The following UBE2QL1 variants were observed in gnomAD, a reference collection of about 807,000 sequenced individuals.
UBE2QL1 encodes the protein ubiquitin conjugating enzyme E2 QL1, also known as ubiquitin-conjugating enzyme E2Q-like protein 1.
Under a neutral mutation model 12.6 loss-of-function variants are expected in UBE2QL1, and 5 were observed. The observed-to-expected ratio is 0.40, with a 90% CI of 0.21 to 0.83. UBE2QL1 has a LOEUF of 0.83. UBE2QL1 is among the 40% of genes least tolerant of loss of function. The pLI, the probability that UBE2QL1 is intolerant of heterozygous loss-of-function variation, is 0.37. For synonymous variants in UBE2QL1, 96 were observed against 94.5 expected (o/e 1.02, Z -0.10); for missense variants, 99 against 222.6 (o/e 0.44, Z 3.53).
Position 6,491,364 on chromosome 5 carries a change from A to G in UBE2QL1, c.*15A>G, listed in dbSNP as rs973459139. 11 of 1,544,590 alleles carry G rather than the reference A, an allele frequency of 7.1e-6. No individual in the cohort carries two copies. In the African/African-American group the frequency reaches 1.5e-4, roughly 21 times the overall value. ...CCGACGGCTGATGTCTGCCACGTGC[A>G]GTAGACGCTCGAGCGCCTGTCCACA... On this transcript the variant is annotated 3_prime_UTR_variant, in exon 2 of 2. Transcript: ENST00000399816.
At chr5:6,451,662 A>G (rs1739414385) in intron 1 of UBE2QL1, among the ~76,000 whole-genome samples, 1 of 152,188 alleles carries the variant, frequency 6.6e-6, no homozygotes, top group African/African-American at 2.4e-5. Context: ...GCTGTCTAAG[A>G]GAGGGTAATG....
At position 6,479,035 on chromosome 5, in the gene UBE2QL1, C is replaced by T. The variant is rs546547616; in HGVS notation, c.355-12183C>T. 6.6e-6 allele frequency among the ~76,000 whole-genome samples: 1 copy of T among 152,172 alleles called. No individual in the cohort carries two copies. The highest frequency in any genetic ancestry group is 1.5e-5 in the Non-Finnish European group (1 of 68,002). ...CTGGGGGCGTCCCTTCTATCGTGTGCAGCATCAGGAGTCTGTTGGATCCCC... is the reference window on the plus strand; with the variant it reads ...CTGGGGGCGTCCCTTCTATCGTGTGTAGCATCAGGAGTCTGTTGGATCCCC... On this transcript the variant is annotated intron_variant, in intron 1 of 1. Transcript: ENST00000399816. This position sits in a 1 kb window ranked among gnomAD's most constrained non-coding sequence, Gnocchi z 4.2.
At chr5:6,449,361 C>G (rs1310339178) in intron 1 of UBE2QL1, 114 bp downstream of exon 1, 1 of 1,059,400 alleles carries the variant, frequency 9.4e-7, no homozygotes, top group Non-Finnish European at 1.2e-6. Flanking sequence ...CCATCTCGCT[C>G]CCTGCTCTGA....
In UBE2QL1 at chr5:6,492,602, C is replaced by G. The variant is rs955760246; in HGVS notation, c.*1253C>G. On this transcript the variant is annotated 3_prime_UTR_variant, in exon 2 of 2. Coordinates refer to ENST00000399816, the MANE Select transcript of UBE2QL1 (RefSeq NM_001145161.3). The stretch of plus-strand genomic sequence containing the variant: ...AAATCATGCATACCTGATACACTGC[C>G]TCAAGGATCCAGTCATTGTGGGCTA... 2.0e-5 allele frequency: 3 copies of G among 152,218 alleles called. No homozygotes were observed. The highest frequency in any genetic ancestry group is 2.9e-5 in the Non-Finnish European group (2 of 68,038). 9.4% of individuals were successfully genotyped at this position (152,218 alleles called of 1,614,324 possible). A position where few individuals can be genotyped will look rare whatever the true frequency, so the allele number is the denominator to read the frequency against.
chr5:6,468,336 G>T (rs558229135), intron 1 of UBE2QL1, among the ~76,000 whole-genome samples: 1 of 146,592 alleles, frequency 6.8e-6, no homozygotes, highest in South Asian at 2.1e-4. Flanking sequence ...TGGAGCAGGG[G>T]CGCGGGGTGG....
chr5:6,449,978 G>A (rs1352863169), intron 1 of UBE2QL1, among the ~76,000 whole-genome samples: 1 of 147,696 alleles, frequency 6.8e-6, no homozygotes, highest in African/African-American at 2.5e-5. Context: ...TCCGCCCCCT[G>A]CCTTCTTCTG....
At chr5:6,464,541 G>T (rs1243181644) in intron 1 of UBE2QL1, among the ~76,000 whole-genome samples, 1 of 152,156 alleles carries the variant, frequency 6.6e-6, no homozygotes. Context: ...GCCCCTGCTA[G>T]CTGCACTTCT....
At chr5:6,449,578 C>T (rs1579283320) in intron 1 of UBE2QL1, among the ~76,000 whole-genome samples, 2 of 152,172 alleles carry the variant, frequency 1.3e-5, no homozygotes, top group East Asian at 1.9e-4. Flanking sequence ...TCTTCCATCC[C>T]TCTTCCTTAG....
At chr5:6,460,818 G>T (rs1739641531) in intron 1 of UBE2QL1, among the ~76,000 whole-genome samples, 1 of 152,192 alleles carries the variant, frequency 6.6e-6, no homozygotes. Flanking sequence ...CACATCAAAA[G>T]TCCTTGTTAG....
intron 1 of UBE2QL1, among the ~76,000 whole-genome samples, chr5:6,461,122 A>G (rs528068747): frequency 6.6e-6 from 1 of 152,350 alleles, no homozygotes; most frequent in East Asian, 1.9e-4. Flanking sequence ...TAGCTGAAAT[A>G]TTCGACCTGC....
At position 6,472,408 on chromosome 5, in the gene UBE2QL1, T is replaced by C. The variant is rs551253961; in HGVS notation, c.355-18810T>C. Among the ~76,000 whole-genome samples, 14 of 152,202 alleles carry C rather than the reference T, an allele frequency of 9.2e-5. No homozygotes were observed. The South Asian group carries it at 2.9e-3, about 32-fold the overall frequency. ...GAAACTTCCAGAATGCCTTTGACAT[T>C]CTGGAAGCGGCCGATCGACACACTT... is the stretch of plus-strand genomic sequence containing the variant. On this transcript the variant is annotated intron_variant, in intron 1 of 1. Coordinates refer to ENST00000399816, the MANE Select transcript of UBE2QL1 (RefSeq NM_001145161.3).
intron 1 of UBE2QL1, among the ~76,000 whole-genome samples, chr5:6,461,181 T>C (rs1363604787): frequency 6.6e-6 from 1 of 152,242 alleles, no homozygotes; most frequent in Non-Finnish European, 1.5e-5. Flanking sequence ...CATATGGTCT[T>C]ACTGCAATTG....
intron 1 of UBE2QL1, among the ~76,000 whole-genome samples, chr5:6,490,628 A>T (rs1392169988): frequency 6.6e-6 from 1 of 152,212 alleles, no homozygotes; most frequent in East Asian, 1.9e-4. Context: ...AATGGTGCTG[A>T]AGTGACATGA....
At chr5:6,489,424 T>C (rs2126375454) in intron 1 of UBE2QL1, among the ~76,000 whole-genome samples, 1 of 108,516 alleles carries the variant, frequency 9.2e-6, no homozygotes, top group African/African-American at 6.8e-5. Context: ...ATCCTGTCTG[T>C]AAAAAAAAAA....
At chr5:6,466,722 T>C in intron 1 of UBE2QL1, among the ~76,000 whole-genome samples, 1 of 152,232 alleles carries the variant, frequency 6.6e-6, no homozygotes, top group East Asian at 1.9e-4. Flanking sequence ...GGCTTTCTGG[T>C]GATGCTGACT....
rs189651966 is a variant in UBE2QL1 at position 6,478,687 on chromosome 5, G to T, written c.355-12531G>T. On this transcript the variant is annotated intron_variant, in intron 1 of 1. Coordinates refer to ENST00000399816, the MANE Select transcript of UBE2QL1 (RefSeq NM_001145161.3). This position sits in a 1 kb window ranked among gnomAD's most constrained non-coding sequence, Gnocchi z 4.5. The stretch of plus-strand genomic sequence containing the variant: ...CTATCTGTGCTGAGAGAACTGTTCC[G>T]CAGCAAGGCTGGGCCATAGCAGTTG... Among the ~76,000 whole-genome samples the T allele has an allele frequency of 2.0e-5, 3 of 151,172 alleles. No individual in the cohort carries two copies. The highest frequency in any genetic ancestry group is 7.3e-5 in the African/African-American group (3 of 40,994).
At chr5:6,450,088 C>CCA (rs777540268) in intron 1 of UBE2QL1, among the ~76,000 whole-genome samples, 1,472 of 95,784 alleles carry the variant, frequency 0.015, 40 homozygotes, top group South Asian at 0.033. Flanking sequence ...AAGACCAGAC[C>CCA]CCCCCCCCCC....
chr5:6,457,705 A>C (rs1739558364), intron 1 of UBE2QL1, among the ~76,000 whole-genome samples: 1 of 152,232 alleles, frequency 6.6e-6, no homozygotes, highest in African/African-American at 2.4e-5. Context: ...GCTGAGGTTG[A>C]ATCATGCACA....
chr5:6,469,090 T>C (rs934229064), intron 1 of UBE2QL1, among the ~76,000 whole-genome samples: 1 of 152,198 alleles, frequency 6.6e-6, no homozygotes, highest in African/African-American at 2.4e-5. Context: ...TCTTGCCTCC[T>C]TGGAATCTTG....
Sources: allele counts gnomAD v4.1 joint callset (sites outside exome capture counted in the v4.1 genomes callset), GRCh38; gene constraint gnomAD v4.1.1; non-coding constraint Gnocchi (gnomAD v3.1); transcripts MANE v1.5; gene names NCBI Gene and HGNC (gene_info 2026-07-23, HGNC 2026-07-21).